Variants in MCF2L observed in about 807,000 individuals in gnomAD.
MCF2L encodes guanine nucleotide exchange factor DBS.
MCF2L carries 97 observed loss-of-function variants against 153.4 expected under a neutral mutation model. The observed-to-expected ratio is 0.63, with a 90% CI of 0.54 to 0.75. The LOEUF is 0.75. Among genes scored for constraint, MCF2L ranks in the 30% least tolerant of loss-of-function variants. The probability of loss-of-function intolerance (pLI) is 0.00; values close to 1 mark genes in which losing one functional copy is unlikely to be tolerated. For missense variants in MCF2L, 1,347 were observed against 1,495.2 expected (o/e 0.90, Z 1.64); for synonymous variants, 659 against 632.2 (o/e 1.04, Z -0.64).
upstream of MCF2L, chr13:112,894,342 G>T (rs2081044358): frequency 6.8e-6 from 1 of 147,806 alleles, no homozygotes; most frequent in Non-Finnish European, 1.5e-5. Flanking sequence ...CCCAGTGTCG[G>T]CGCAGCCCTG....
chr13:113,057,467 T>C (rs909508893), intron 4 of MCF2L, among the ~76,000 whole-genome samples: 6 of 136,428 alleles, frequency 4.4e-5, no homozygotes, highest in African/African-American at 1.7e-4. Flanking sequence ...GTTTTGGCAC[T>C]GGGTGCTGAG....
intron 1 of MCF2L, among the ~76,000 whole-genome samples, chr13:112,991,054 G>C (rs1294363428): frequency 6.6e-6 from 1 of 152,190 alleles, no homozygotes; most frequent in African/African-American, 2.4e-5. Flanking sequence ...TCTGCACCTG[G>C]GGCTCTGTAC....
intron 5 of MCF2L, among the ~76,000 whole-genome samples, chr13:113,063,648 A>G (rs1328715663): frequency 6.6e-6 from 1 of 152,132 alleles, no homozygotes; most frequent in Non-Finnish European, 1.5e-5. Context: ...ACACCACATC[A>G]TGTTTTATTA....
intron 9 of MCF2L, among the ~76,000 whole-genome samples, chr13:113,073,911 G>A (rs930425524): frequency 1.4e-5 from 2 of 143,202 alleles, no homozygotes; most frequent in Admixed American, 7.2e-5. Context: ...ACAAAACTCC[G>A]TCTCAAAAAA....
chr13:113,003,169 G>T (rs1221889834), intron 1 of MCF2L, among the ~76,000 whole-genome samples: 1 of 152,228 alleles, frequency 6.6e-6, no homozygotes, highest in Admixed American at 6.5e-5. Context: ...GCGTGAGCAG[G>T]TGCAGGTGGC....
chr13:113,076,237 T>A, intron 12 of MCF2L, 80 bp downstream of exon 12: 1 of 970,392 alleles, frequency 1.0e-6, no homozygotes, highest in Non-Finnish European at 1.5e-6. Flanking sequence ...TTTGAAAGAA[T>A]CATTTAATGA....
chr13:113,060,734 C>A (rs748215859), intron 5 of MCF2L, 22 bp downstream of exon 5: 5 of 1,610,448 alleles, frequency 3.1e-6, no homozygotes, highest in Non-Finnish European at 4.2e-6. Context: ...CCGCCTCCAT[C>A]CTGCGGTAGC....
At chr13:112,898,707 G>C (rs550358775) in intron 1 of MCF2L, among the ~76,000 whole-genome samples, 5 of 152,110 alleles carry the variant, frequency 3.3e-5, no homozygotes, top group African/African-American at 1.2e-4. Context: ...AGCCCAGACG[G>C]CCTCCCTGCC....
chr13:113,055,853 C>T, intron 4 of MCF2L, among the ~76,000 whole-genome samples: 1 of 152,060 alleles, frequency 6.6e-6, no homozygotes, highest in Non-Finnish European at 1.5e-5. Context: ...GATGGTGGGG[C>T]AGAGAGGGCG....
At chr13:112,895,908 C>T (rs1023394926) in intron 1 of MCF2L, among the ~76,000 whole-genome samples, 16 of 152,188 alleles carry the variant, frequency 1.1e-4, no homozygotes, top group Non-Finnish European at 1.6e-4. Flanking sequence ...CCCAGGTGTC[C>T]GTGGCTCAAA....
chr13:112,895,380 C>G (rs2081057186), intron 1 of MCF2L, among the ~76,000 whole-genome samples: 1 of 152,130 alleles, frequency 6.6e-6, no homozygotes, highest in African/African-American at 2.4e-5. Flanking sequence ...GCCACGGGGA[C>G]CGACACGGCT....
intron 2 of MCF2L, among the ~76,000 whole-genome samples, chr13:112,914,724 C>T (rs2081272668): frequency 6.6e-6 from 1 of 152,074 alleles, no homozygotes; most frequent in Non-Finnish European, 1.5e-5. Flanking sequence ...AACTGCTTCT[C>T]ATTTATGTTT....
At chr13:112,980,590 C>T (rs2082374085) in intron 1 of MCF2L, among the ~76,000 whole-genome samples, 1 of 122,104 alleles carries the variant, frequency 8.2e-6, no homozygotes, top group African/African-American at 2.7e-5. Flanking sequence ...GCGGCGCCAG[C>T]CAGGAGGGCC....
At chr13:112,902,208 T>G in exon 2 of MCF2L, 1 of 1,612,378 alleles carries the variant, frequency 6.2e-7, no homozygotes, top group South Asian at 1.1e-5. Context: ...GCCTCATGTT[T>G]GACTGTTGGA....
At chr13:113,092,267 G>A (rs1482395528) in intron 26 of MCF2L, among the ~76,000 whole-genome samples, 5 of 152,368 alleles carry the variant, frequency 3.3e-5, no homozygotes, top group Admixed American at 1.3e-4. Context: ...CTTCCGTCTC[G>A]TCATCCATGA....
chr13:113,030,195 C>T (rs1008953606), intron 3 of MCF2L, among the ~76,000 whole-genome samples: 3 of 152,136 alleles, frequency 2.0e-5, no homozygotes, highest in Non-Finnish European at 4.4e-5. Context: ...TCGTGCTTTG[C>T]TGACTCAGGT....
In MCF2L at chr13:113,044,433, C is replaced by T. The variant is rs912245447; in HGVS notation, c.279-838C>T. The T allele has an allele frequency of 1.9e-5, 9 of 486,472 alleles. No homozygotes were observed. In the Admixed American group the frequency reaches 2.3e-4, roughly 12 times the overall value. 30.1% of individuals were successfully genotyped at this position (486,472 alleles called of 1,614,324 possible). On this transcript the variant is annotated intron_variant, in intron 3 of 29. Transcript: ENST00000535094. The stretch of plus-strand genomic sequence containing the variant: ...AGAGAGCGGCCACGCCCATAGACTG[C>T]ATAATTTATCTCCATCCTGCAGAAT...
At position 112,951,015 on chromosome 13, in the gene MCF2L, CA is replaced by C. The variant is rs1247102460; in HGVS notation, c.169+48645del. On this transcript the variant is annotated intron_variant, in intron 2 of 29. Transcript: ENST00000375608. This position sits in a 1 kb window ranked among gnomAD's most constrained non-coding sequence, Gnocchi z 4.8. ...AGGATTAAGAAATCTCAAATCTCAC[CA>C]GTACAAAAACAAACAATTCGCTTAG... Among the ~76,000 whole-genome samples the C allele has an allele frequency of 2.0e-5, 3 of 152,156 alleles. No individual in the cohort carries two copies. Among genetic ancestry groups the C allele is most frequent in the African/African-American group, 7.2e-5 (3 of 41,426 alleles).
chr13:113,026,925 GC>G, intron 3 of MCF2L: 2 of 772,382 alleles, frequency 2.6e-6, no homozygotes, highest in South Asian at 1.4e-5. Flanking sequence ...TGGGAGGGGT[GC>G]CGCGGGGGTC....
Sources: gnomAD v4.1 joint callset for allele counts (sites outside exome capture counted in the v4.1 genomes callset) on GRCh38, gnomAD v4.1.1 for gene constraint, Gnocchi (gnomAD v3.1) non-coding constraint, MANE v1.5 for transcripts, NCBI Gene and HGNC (gene_info 2026-07-23, HGNC 2026-07-21) for gene names.